ITFG1: variants seen among roughly 807,000 people sequenced by gnomAD.
The protein encoded by ITFG1 is integrin alpha FG-GAP repeat containing 1, also known as T-cell immunomodulatory protein.
In ITFG1, 34 loss-of-function variants were observed where a neutral mutation model predicts 81.8. That is an observed-to-expected ratio of 0.42 (90% CI 0.32 to 0.55). The LOEUF (loss-of-function observed/expected upper bound fraction) is 0.55, where lower values mean the gene tolerates loss of function less well. Ranked by LOEUF, ITFG1 falls within the 20% of genes least tolerant of loss-of-function variation. ITFG1 has a pLI of 0.17. For missense variants in ITFG1, 672 were observed against 755.4 expected (o/e 0.89, Z 1.29); for synonymous variants, 285 against 270.6 (o/e 1.05, Z -0.52).
intron 8 of ITFG1, among the ~76,000 whole-genome samples, chr16:47,351,810 T>C (rs1025732915): frequency 4.6e-5 from 7 of 152,136 alleles, no homozygotes; most frequent in Non-Finnish European, 1.0e-4. Flanking sequence ...GACTTCAAAC[T>C]ATACTACAAG....
intron 12 of ITFG1, among the ~76,000 whole-genome samples, chr16:47,255,012 G>T (rs1781718640): frequency 6.6e-6 from 1 of 152,152 alleles, no homozygotes; most frequent in South Asian, 2.1e-4. Flanking sequence ...GCTTCAACCT[G>T]GGAGGCGGAG....
chr16:47,409,404 A>ATATATATATATATAT (rs1555514902), intron 6 of ITFG1, among the ~76,000 whole-genome samples: 2 of 6,102 alleles, frequency 3.3e-4, no homozygotes, highest in African/African-American at 5.4e-4. Flanking sequence ...ATATATATAT[A>ATATATATATATATAT]TTTTTTTTTT....
chr16:47,418,263 T>TCC (rs1968898194), intron 6 of ITFG1, among the ~76,000 whole-genome samples: 1 of 152,230 alleles, frequency 6.6e-6, no homozygotes. Context: ...GTTCATTGTA[T>TCC]ATTATGGATA....
intron 6 of ITFG1, among the ~76,000 whole-genome samples, chr16:47,388,735 A>T (rs1190839144): frequency 6.6e-6 from 1 of 152,220 alleles, no homozygotes; most frequent in African/African-American, 2.4e-5. Context: ...TAGTAGTAGT[A>T]ACAGAAATTT....
At chr16:47,255,295 C>T (rs1966126800) in intron 12 of ITFG1, among the ~76,000 whole-genome samples, 2 of 152,292 alleles carry the variant, frequency 1.3e-5, no homozygotes, top group South Asian at 4.1e-4. Context: ...AGAGGAAAAA[C>T]TCACTGTCAC....
intron 12 of ITFG1, among the ~76,000 whole-genome samples, chr16:47,256,131 A>C (rs776797505): frequency 2.0e-5 from 3 of 151,894 alleles, no homozygotes; most frequent in Non-Finnish European, 4.4e-5. Context: ...GCCCAACTAA[A>C]TTTCGTATTT....
intron 8 of ITFG1, among the ~76,000 whole-genome samples, chr16:47,337,146 A>AG (rs1347711293): frequency 3.8e-4 from 58 of 151,200 alleles, no homozygotes; most frequent in Admixed American, 3.8e-3. Flanking sequence ...TCAAAAAAAA[A>AG]AAAAAAAGAA....
intron 6 of ITFG1, 81 bp from the exon 7 acceptor site, chr16:47,376,021 C>T: frequency 1.4e-6 from 1 of 726,434 alleles, no homozygotes; most frequent in South Asian, 1.8e-5. Flanking sequence ...AAATGCAATA[C>T]ATTAAAAGAA....
chr16:47,286,916 T>C (rs1966871839), intron 10 of ITFG1, among the ~76,000 whole-genome samples: 1 of 152,272 alleles, frequency 6.6e-6, no homozygotes, highest in South Asian at 2.1e-4. Context: ...TCACATTTAA[T>C]ATGTGGTAAA....
At chr16:47,169,054 T>C (rs983346964) in intron 14 of ITFG1, among the ~76,000 whole-genome samples, 3 of 152,258 alleles carry the variant, frequency 2.0e-5, no homozygotes, top group African/African-American at 7.2e-5. Flanking sequence ...GATTTATTTA[T>C]GGGCTCTCAA....
chr16:47,212,761 T>C (rs1965578714), intron 14 of ITFG1, among the ~76,000 whole-genome samples: 1 of 152,226 alleles, frequency 6.6e-6, no homozygotes, highest in Non-Finnish European at 1.5e-5. Context: ...ATCTTCAGGG[T>C]CCACAGTGAG....
intron 8 of ITFG1, among the ~76,000 whole-genome samples, chr16:47,327,068 C>A (rs1473028945): frequency 6.6e-6 from 1 of 152,200 alleles, no homozygotes; most frequent in Non-Finnish European, 1.5e-5. Context: ...TACCTGACTT[C>A]AAACTATACT....
intron 13 of ITFG1, among the ~76,000 whole-genome samples, chr16:47,225,894 C>T (rs1481978254): frequency 4.0e-5 from 6 of 150,786 alleles, no homozygotes; most frequent in Non-Finnish European, 5.9e-5. Context: ...TCTGCGAAGA[C>T]GAAGTTGGAA....
At chr16:47,454,394 G>A (rs1414600110) in intron 2 of ITFG1, among the ~76,000 whole-genome samples, 3 of 152,080 alleles carry the variant, frequency 2.0e-5, no homozygotes, top group East Asian at 1.9e-4. Flanking sequence ...GAAATATGTC[G>A]AGAGAAAACG....
chr16:47,337,379 G>T (rs555596820), intron 8 of ITFG1, among the ~76,000 whole-genome samples: 2 of 152,138 alleles, frequency 1.3e-5, no homozygotes, highest in South Asian at 4.2e-4. Context: ...AGACCAGCCT[G>T]GCCAATGTGG....
intron 13 of ITFG1, among the ~76,000 whole-genome samples, chr16:47,230,841 C>T (rs1596822199): frequency 6.6e-6 from 1 of 152,170 alleles, no homozygotes; most frequent in South Asian, 2.1e-4. Flanking sequence ...CTCCGCCTCC[C>T]GGGTTCACGC....
intron 14 of ITFG1, 179 bp downstream of exon 14, chr16:47,218,689 A>AT: frequency 2.7e-6 from 1 of 364,956 alleles, no homozygotes; most frequent in Non-Finnish European, 4.9e-6. Context: ...GAAAGTGAAC[A>AT]TTTTTTGTCA....
At chr16:47,291,277 C>T (rs1022083305) in intron 10 of ITFG1, among the ~76,000 whole-genome samples, 1 of 152,174 alleles carries the variant, frequency 6.6e-6, no homozygotes, top group South Asian at 2.1e-4. Context: ...TGCAAGAAAT[C>T]TGTTATTCTA....
intron 8 of ITFG1, among the ~76,000 whole-genome samples, chr16:47,348,063 G>A (rs1041536874): frequency 2.0e-5 from 3 of 152,138 alleles, no homozygotes; most frequent in Non-Finnish European, 2.9e-5. Flanking sequence ...CCATCCGTAC[G>A]TCACCATCAT....
Sources: gnomAD v4.1 joint callset for allele counts (sites outside exome capture counted in the v4.1 genomes callset) on GRCh38, gnomAD v4.1.1 for gene constraint, MANE v1.5 for transcripts, NCBI Gene and HGNC (gene_info 2026-07-23, HGNC 2026-07-21) for gene names.